Variants in CYP46A1 observed in about 807,000 individuals in gnomAD.
CYP46A1 encodes cytochrome P450 family 46 subfamily A member 1.
A neutral mutation model predicts 63.3 loss-of-function variants in CYP46A1; 20 were observed. That is an observed-to-expected ratio of 0.32 (90% CI 0.22 to 0.46). The LOEUF (loss-of-function observed/expected upper bound fraction) is 0.46, where lower values mean the gene tolerates loss of function less well. Among genes scored for constraint, CYP46A1 ranks in the 20% least tolerant of loss-of-function variants. The probability of loss-of-function intolerance (pLI) is 1.00; values close to 1 mark genes in which losing one functional copy is unlikely to be tolerated. For missense variants in CYP46A1, 445 were observed against 670.8 expected (o/e 0.66, Z 3.72); for synonymous variants, 268 against 273.6 (o/e 0.98, Z 0.20).
intron 9 of CYP46A1, chr14:99,717,718 C>T: frequency 3.7e-6 from 1 of 271,190 alleles, no homozygotes; most frequent in Non-Finnish European, 7.0e-6. Flanking sequence ...CATAGAACCT[C>T]AGGGTCATGG....
intron 7 of CYP46A1, chr14:99,711,288 A>G (rs560459261): frequency 6.6e-6 from 1 of 152,266 alleles, no homozygotes; most frequent in South Asian, 2.1e-4. Context: ...AATTAGTAGA[A>G]GGAAATAAAT....
At chr14:99,719,913 C>A (rs1224174306) in intron 10 of CYP46A1, among the ~76,000 whole-genome samples, 2 of 151,942 alleles carry the variant, frequency 1.3e-5, no homozygotes, top group African/African-American at 4.8e-5. Context: ...AGGTGCACGC[C>A]ACCATGCCTG....
At chr14:99,719,582 T>G (rs1044690672) in intron 10 of CYP46A1, among the ~76,000 whole-genome samples, 3 of 151,796 alleles carry the variant, frequency 2.0e-5, no homozygotes, top group Admixed American at 6.6e-5. Flanking sequence ...CGCCTCCCCA[T>G]CCCTGGTAAC....
chr14:99,686,339 TA>T (rs968565168), intron 1 of CYP46A1, among the ~76,000 whole-genome samples: 28 of 152,230 alleles, frequency 1.8e-4, no homozygotes, highest in African/African-American at 5.5e-4. Context: ...TAAATCATCT[TA>T]AAAAAAATTG....
chr14:99,694,581 C>A (rs2056571942), intron 3 of CYP46A1, among the ~76,000 whole-genome samples: 1 of 151,648 alleles, frequency 6.6e-6, no homozygotes, highest in African/African-American at 2.4e-5. Context: ...CTTACTGCAA[C>A]CTCTGCCTCC....
intron 10 of CYP46A1, among the ~76,000 whole-genome samples, chr14:99,718,771 C>G (rs1260593388): frequency 1.3e-5 from 2 of 152,096 alleles, no homozygotes; most frequent in African/African-American, 2.4e-5. Context: ...TATTAGTCAT[C>G]AGCAGCATAT....
chr14:99,694,827 C>T (rs1167417276), intron 3 of CYP46A1, among the ~76,000 whole-genome samples: 6 of 152,108 alleles, frequency 3.9e-5, no homozygotes, highest in African/African-American at 7.2e-5. Flanking sequence ...TATTTCCTTT[C>T]TGTATTCACT....
chr14:99,689,233 T>G (rs1367658084), intron 1 of CYP46A1, among the ~76,000 whole-genome samples: 3 of 152,184 alleles, frequency 2.0e-5, no homozygotes, highest in Non-Finnish European at 4.4e-5. Flanking sequence ...CCTAATTTCA[T>G]CTGCTTGTCT....
intron 3 of CYP46A1, among the ~76,000 whole-genome samples, chr14:99,692,837 GAAAA>G (rs555715692): frequency 7.0e-6 from 1 of 142,364 alleles, no homozygotes; most frequent in Non-Finnish European, 1.6e-5. Flanking sequence ...CTCCAAAAAA[GAAAA>G]AAAAAAAGAA....
chr14:99,713,051 G>A (rs1230705083), intron 7 of CYP46A1: 3 of 152,178 alleles, frequency 2.0e-5, no homozygotes, highest in Non-Finnish European at 4.4e-5. Flanking sequence ...ACTGGGGAAA[G>A]GGCAGTGCTG....
rs557653189 is a variant in CYP46A1, at chr14:99,707,910, C to T, written c.693+232C>T. 6 of 509,366 alleles carry T rather than the reference C, an allele frequency of 1.2e-5. No individual in the cohort carries two copies. In the South Asian group the frequency reaches 1.4e-4, roughly 12 times the overall value. The allele number at this position is 509,366 out of a possible 1,614,324, so 31.6% of individuals were successfully genotyped here. On this transcript the variant is annotated intron_variant, in intron 7 of 14. Transcript: ENST00000261835. ...ATCTTTCTCTCATGTGAAATGATCCCCAAAGCAGGCAATGTAGGATGACTA... is the reference window on the plus strand; with the variant it reads ...ATCTTTCTCTCATGTGAAATGATCCTCAAAGCAGGCAATGTAGGATGACTA...
intron 9 of CYP46A1, 130 bp downstream of exon 9, chr14:99,716,329 TGG>T (rs2056790286): frequency 2.8e-5 from 26 of 921,852 alleles, no homozygotes; most frequent in Non-Finnish European, 4.1e-5. Context: ...GCTAGGGGGC[TGG>T]GCTGAAGGGA....
intron 5 of CYP46A1, among the ~76,000 whole-genome samples, chr14:99,702,490 A>G (rs781563346): frequency 2.0e-5 from 3 of 152,190 alleles, no homozygotes; most frequent in Non-Finnish European, 2.9e-5. Flanking sequence ...TTTGAGTCAC[A>G]TGGTAACTCT....
intron 7 of CYP46A1, among the ~76,000 whole-genome samples, chr14:99,714,783 A>T (rs866070000): frequency 2.7e-5 from 4 of 150,682 alleles, no homozygotes; most frequent in Non-Finnish European, 4.4e-5. Context: ...AAAAGAAAAG[A>T]AAATTTGATG....
chr14:99,684,599 C>A, intron 1 of CYP46A1, 63 bp downstream of exon 1: 1 of 1,370,090 alleles, frequency 7.3e-7, no homozygotes, highest in South Asian at 1.4e-5. Context: ...GGGACAGCGT[C>A]TAAGCCGGCG....
chr14:99,701,180 GC>G (rs2056627578), intron 5 of CYP46A1, among the ~76,000 whole-genome samples: 1 of 152,092 alleles, frequency 6.6e-6, no homozygotes, highest in African/African-American at 2.4e-5. Flanking sequence ...GTAAGCTAAG[GC>G]TAATTTATTA....
At chr14:99,715,769 G>T in intron 7 of CYP46A1, 41 bp from the exon 8 acceptor site, 1 of 1,613,696 alleles carries the variant, frequency 6.2e-7, no homozygotes, top group South Asian at 1.1e-5. Flanking sequence ...GAGGGAACAT[G>T]CGTGTTCACT....
chr14:99,726,624 G>T lies in CYP46A1; in HGVS notation c.1400G>T (p.Arg467Leu). 6.4e-7 allele frequency: 1 copy of T among 1,567,504 alleles called. No homozygotes were observed. Among genetic ancestry groups the T allele is most frequent in the Non-Finnish European group, 8.6e-7 (1 of 1,158,696 alleles). ...GAGTTCCGGCTGGTGCCCGGGCAGC[G>T]CTTCGGGCTGCAGGAGCAGGCCACA... ...RLEFRLVPGQRFGLQEQATLK... is the reference protein window; with the variant it reads ...RLEFRLVPGQLFGLQEQATLK... The change falls in exon 15 of 15, where the codon CGC (arginine) becomes CTC (leucine). Residue 467 changes from arginine (R) to leucine (L), a missense_variant. Physicochemically the swap from Arg to Leu is moderately radical, Grantham distance 102 (BLOSUM62 -2). Around this residue, in one of 4 missense-constraint regions of CYP46A1, gnomAD observed 85 missense variants for 80.1 expected, o/e 1.06. Transcript: ENST00000261835.
chr14:99,721,437 C>T, intron 11 of CYP46A1, 114 bp downstream of exon 11: 1 of 752,396 alleles, frequency 1.3e-6, no homozygotes, highest in South Asian at 1.6e-5. Context: ...GCATAGGGTC[C>T]TCCCCCGGAA....
Sources: allele counts gnomAD v4.1 joint callset (sites outside exome capture counted in the v4.1 genomes callset), GRCh38; gene constraint gnomAD v4.1.1; regional missense constraint gnomAD v4.1.1; transcripts MANE v1.5; gene names NCBI Gene and HGNC (gene_info 2026-07-23, HGNC 2026-07-21).